Variants in CSGALNACT2 observed in about 807,000 individuals in gnomAD.
The protein encoded by CSGALNACT2 is chondroitin sulfate N-acetylgalactosaminyltransferase 2, also known as beta 4 GalNAcT-2.
CSGALNACT2 carries 35 observed loss-of-function variants against 55.3 expected under a neutral mutation model. The ratio of observed to expected loss-of-function variants is 0.63; its 90% CI spans 0.48 to 0.84. The LOEUF (loss-of-function observed/expected upper bound fraction) is 0.84, where lower values mean the gene tolerates loss of function less well. Ranked by LOEUF, CSGALNACT2 falls within the 40% of genes least tolerant of loss-of-function variation. CSGALNACT2 has a pLI of 0.00. For missense variants in CSGALNACT2, 544 were observed against 657.5 expected (o/e 0.83, Z 1.89); for synonymous variants, 196 against 224.9 (o/e 0.87, Z 1.15).
chr10:43,144,571 TTTTG>T (rs760424135), intron 1 of CSGALNACT2, among the ~76,000 whole-genome samples: 32 of 152,226 alleles, frequency 2.1e-4, no homozygotes, highest in African/African-American at 7.0e-4. Flanking sequence ...AGGGGTTTTT[TTTTG>T]TTGTTGTTTT....
intron 6 of CSGALNACT2, among the ~76,000 whole-genome samples, chr10:43,173,539 A>T (rs1839422017): frequency 6.6e-6 from 1 of 152,228 alleles, no homozygotes; most frequent in African/African-American, 2.4e-5. Flanking sequence ...CAAACCAATG[A>T]TTCCTTTTTC....
At chr10:43,144,915 G>C (rs1838710321) in intron 1 of CSGALNACT2, among the ~76,000 whole-genome samples, 1 of 152,120 alleles carries the variant, frequency 6.6e-6, no homozygotes, top group Admixed American at 6.5e-5. Context: ...AAGTACTTCT[G>C]TTGCCTGGCT....
At chr10:43,177,045 C>A (rs1010105544) in intron 7 of CSGALNACT2, among the ~76,000 whole-genome samples, 1 of 152,076 alleles carries the variant, frequency 6.6e-6, no homozygotes, top group East Asian at 1.9e-4. Context: ...TTTTTATAAC[C>A]AGCCTTTTGT....
rs147671309 is a variant in CSGALNACT2 at position 43,139,556 on chromosome 10, A to G, written c.-254+989A>G. Among the ~76,000 whole-genome samples the G allele has an allele frequency of 3.1e-4, 47 of 152,384 alleles. 1 individual carries two copies. Among genetic ancestry groups the G allele is most frequent in the African/African-American group, 1.1e-3 (46 of 41,588 alleles). Reference sequence around the variant, plus strand: ...GCACGAATCTTAATTGTACAGCTCAATGAATTTTTACATACTTATTACCCT... The same window carrying G: ...GCACGAATCTTAATTGTACAGCTCAGTGAATTTTTACATACTTATTACCCT... On this transcript the variant is annotated intron_variant, in intron 1 of 7. Transcript: ENST00000374466.
chr10:43,146,063 A>C (rs1041767339), intron 1 of CSGALNACT2, among the ~76,000 whole-genome samples: 3 of 152,190 alleles, frequency 2.0e-5, no homozygotes, highest in Non-Finnish European at 4.4e-5. Context: ...GAGGGACAGA[A>C]CTAAGAGGAT....
chr10:43,164,619 C>T (rs1010231333), intron 5 of CSGALNACT2, among the ~76,000 whole-genome samples: 26 of 152,238 alleles, frequency 1.7e-4, no homozygotes, highest in Admixed American at 1.4e-3. Context: ...GAGGCTTAGG[C>T]GGGTGGATCA....
chr10:43,158,611 G>A lies in CSGALNACT2; in HGVS notation c.662-104G>A, dbSNP rs546227641. On this transcript the variant is annotated intron_variant, in intron 2 of 7. Transcript: ENST00000374466. ...TCACAAATAGGTAAAAATCCTGCAGGTCTAGTTTAATACCCTTTATGTTTA... is the reference window on the plus strand; with the variant it reads ...TCACAAATAGGTAAAAATCCTGCAGATCTAGTTTAATACCCTTTATGTTTA... 450 of 662,502 alleles carry A rather than the reference G, an allele frequency of 6.8e-4. 3 individuals are homozygous for A. Among genetic ancestry groups the A allele is most frequent in the Non-Finnish European group, 9.4e-4 (350 of 373,130 alleles). 41.0% of individuals were successfully genotyped at this position (662,502 alleles called of 1,614,324 possible). A position where few individuals can be genotyped will look rare whatever the true frequency, so the allele number is the denominator to read the frequency against.
chr10:43,158,026 TAAAAAAAA>T (rs770700775), intron 2 of CSGALNACT2, among the ~76,000 whole-genome samples: 2 of 99,438 alleles, frequency 2.0e-5, no homozygotes, highest in Non-Finnish European at 4.1e-5. Flanking sequence ...AGACTCCGTC[TAAAAAAAA>T]AAAAAAAAAA....
At chr10:43,183,131 C>A in intron 7 of CSGALNACT2, 119 bp from the exon 8 acceptor site, 1 of 784,146 alleles carries the variant, frequency 1.3e-6, no homozygotes, top group Non-Finnish European at 2.1e-6. Context: ...GTGTCTCGTG[C>A]TACCTTTTTG....
intron 4 of CSGALNACT2, among the ~76,000 whole-genome samples, chr10:43,160,892 A>G (rs1348048091): frequency 6.6e-6 from 1 of 151,928 alleles, no homozygotes; most frequent in Non-Finnish European, 1.5e-5. Flanking sequence ...TGACATAATC[A>G]TCTTCTGAAT....
At chr10:43,140,726 T>G (rs1185506633) in intron 1 of CSGALNACT2, among the ~76,000 whole-genome samples, 2 of 152,272 alleles carry the variant, frequency 1.3e-5, no homozygotes, top group Non-Finnish European at 2.9e-5. Context: ...TACATTGTTA[T>G]TGTCATGCTA....
chr10:43,185,258 T>C lies in CSGALNACT2; in HGVS notation c.*1716T>C, dbSNP rs776451240. 3.3e-5 allele frequency: 5 copies of C among 152,240 alleles called. No homozygotes were observed. The highest frequency in any genetic ancestry group is 5.9e-5 in the Non-Finnish European group (4 of 68,032). 9.4% of individuals were successfully genotyped at this position (152,240 alleles called of 1,614,324 possible). A position where few individuals can be genotyped will look rare whatever the true frequency, so the allele number is the denominator to read the frequency against. On this transcript the variant is annotated 3_prime_UTR_variant, in exon 8 of 8. Coordinates refer to ENST00000374466, the MANE Select transcript of CSGALNACT2 (RefSeq NM_018590.5). ...ATGGAAATGCTATACGTTTTTGACA[T>C]TTATTAAATGGTACCAATAAAGTAT...
chr10:43,180,185 A>T (rs1401980350), intron 7 of CSGALNACT2, among the ~76,000 whole-genome samples: 1 of 151,282 alleles, frequency 6.6e-6, no homozygotes, highest in Non-Finnish European at 1.5e-5. Context: ...TAGAACTTAG[A>T]CTCTTTATTT....
At chr10:43,169,374 G>C (rs1286315144) in intron 6 of CSGALNACT2, among the ~76,000 whole-genome samples, 4 of 152,190 alleles carry the variant, frequency 2.6e-5, no homozygotes, top group African/African-American at 9.7e-5. Context: ...ATGAGTATAT[G>C]AATACAGATA....
intron 5 of CSGALNACT2, among the ~76,000 whole-genome samples, chr10:43,165,468 G>C (rs1839244842): frequency 6.6e-6 from 1 of 151,736 alleles, no homozygotes; most frequent in Admixed American, 6.6e-5. Context: ...ACATAATGTT[G>C]TACACCATTT....
intron 6 of CSGALNACT2, among the ~76,000 whole-genome samples, chr10:43,169,058 C>T (rs983101682): frequency 1.6e-4 from 24 of 152,196 alleles, no homozygotes; most frequent in African/African-American, 5.8e-4. Context: ...GCAGGCATCA[C>T]AGGGATTGAC....
At chr10:43,167,530 C>T (rs562688822) in intron 6 of CSGALNACT2, among the ~76,000 whole-genome samples, 10 of 152,112 alleles carry the variant, frequency 6.6e-5, no homozygotes, top group African/African-American at 1.2e-4. Context: ...TCAAAACTTA[C>T]AGTTATTGCC....
chr10:43,164,872 A>T (rs1259074045), intron 5 of CSGALNACT2, among the ~76,000 whole-genome samples: 1 of 151,994 alleles, frequency 6.6e-6, no homozygotes, highest in Non-Finnish European at 1.5e-5. Context: ...ATTAATGAGA[A>T]GATGACATTT....
At chr10:43,165,969 T>C (rs1839257134) in intron 5 of CSGALNACT2, among the ~76,000 whole-genome samples, 1 of 152,110 alleles carries the variant, frequency 6.6e-6, no homozygotes, top group African/African-American at 2.4e-5. Flanking sequence ...GACTCCGTCT[T>C]AAAAAATAAA....
Sources: gnomAD v4.1 joint callset for allele counts (sites outside exome capture counted in the v4.1 genomes callset) on GRCh38, gnomAD v4.1.1 for gene constraint, MANE v1.5 for transcripts, NCBI Gene and HGNC (gene_info 2026-07-23, HGNC 2026-07-21) for gene names.